LRCH2: variants seen among roughly 807,000 people sequenced by gnomAD.
LRCH2 encodes leucine rich repeats and calponin homology domain containing 2.
In LRCH2, 38 loss-of-function variants were observed where a neutral mutation model predicts 68.9. The ratio of observed to expected loss-of-function variants is 0.55; its 90% confidence interval spans 0.43 to 0.72. LRCH2 has a LOEUF of 0.72. Ranked by LOEUF, LRCH2 falls within the 30% of genes least tolerant of loss-of-function variation. LRCH2 has a pLI of 0.00. For synonymous variants in LRCH2, 191 were observed against 208.1 expected, an observed-to-expected ratio of 0.92 and a Z score of 0.71; for missense variants, 528 against 572.9, an observed-to-expected ratio of 0.92 and a Z score of 0.80.
In LRCH2 at chrX:115,122,762, C is replaced by G. The variant is rs2072154330; in HGVS notation, c.2098G>C (p.Val700Leu). ...VASIHVPSPA[V>L]PKLSMAKCRR... The stretch of plus-strand genomic sequence containing the variant: ...AACAAATTGTAAACAAAACTTACCA[C>G]TGCTGGTGATGGTACATGAATACTA... Residue 700 changes from valine (V) to leucine (L), a missense_variant and splice_region_variant, in exon 19 of 21, where the codon GTG becomes CTG. By Grantham distance (32) the Val-to-Leu change is conservative. Transcript: ENST00000317135. 8.3e-7 allele frequency: 1 copy of G among 1,208,018 alleles called. No individual in the cohort carries two copies. The highest frequency in any genetic ancestry group is 1.8e-5 in the South Asian group (1 of 56,148).
intron 1 of LRCH2, chrX:115,198,792 C>A: frequency 8.6e-6 from 1 of 115,891 alleles, no homozygotes; most frequent in Non-Finnish European, 1.9e-5. Flanking sequence ...AACAGCTTCA[C>A]AGAAAAAATA....
intron 1 of LRCH2, among the ~76,000 whole-genome samples, chrX:115,228,463 C>T (rs1449469132): frequency 1.8e-5 from 2 of 111,309 alleles, no homozygotes; most frequent in Non-Finnish European, 3.8e-5. Context: ...GAGTGGGCTG[C>T]TAGGCTGGGC....
In LRCH2 at chrX:115,176,737, T is replaced by C. The variant is rs1357648329; in HGVS notation, c.864+2690A>G. On this transcript the variant is annotated intron_variant, in intron 5 of 20. Coordinates refer to ENST00000317135, the MANE Select transcript of LRCH2 (RefSeq NM_020871.4). ...TTCTTGGCTGGCTGTTCATTTTCTT[T>C]TTTCTTTTTTTTTCTTTTTTTTTTT... Among the ~76,000 whole-genome samples the C allele has an allele frequency of 3.7e-5, 4 of 107,830 alleles. No homozygotes were observed. The Admixed American group carries it at 4.0e-4, about 11-fold the overall frequency. The allele number at this position is 107,830 out of a possible 115,157, so 93.6% of individuals were successfully genotyped here. A position where few individuals can be genotyped will look rare whatever the true frequency, so the allele number is the denominator to read the frequency against.
intron 14 of LRCH2, among the ~76,000 whole-genome samples, chrX:115,148,780 T>C (rs1253108394): frequency 2.7e-5 from 3 of 111,685 alleles, no homozygotes; most frequent in African/African-American, 9.7e-5. Flanking sequence ...ATCTCTTATA[T>C]TGACCAGGAA....
Position 115,113,341 on chromosome X carries a change from G to GAA in LRCH2, c.2179-8_2179-7dup. ...TGAGGCAAACAAAGTCTTTCCTGGA[G>GAA]AAAAAAAAGAGATATTTGAACATTC... On this transcript the variant is annotated splice_region_variant and splice_polypyrimidine_tract_variant and intron_variant, in intron 20 of 20. Transcript: ENST00000317135. 1 of 1,152,759 alleles carries GAA rather than the reference G, an allele frequency of 8.7e-7. No individual in the cohort carries two copies. The highest frequency in any genetic ancestry group is 1.2e-6 in the Non-Finnish European group (1 of 863,023).
chrX:115,190,580 G>A (rs1666139329), intron 1 of LRCH2: 1 of 740,431 alleles, frequency 1.4e-6, no homozygotes, highest in South Asian at 3.5e-5. Flanking sequence ...TACAGCCGGA[G>A]TGACCGCTAC....
intron 20 of LRCH2, among the ~76,000 whole-genome samples, chrX:115,121,607 G>T (rs1469020376): frequency 1.8e-5 from 2 of 112,382 alleles, no homozygotes; most frequent in African/African-American, 6.5e-5. Context: ...ACGAGATCGT[G>T]CCACTGCACT....
chrX:115,113,105 C>T lies in LRCH2; in HGVS notation c.*111G>A, dbSNP rs922791613. Reference sequence around the variant, plus strand: ...ATGTAATTTTTTTAAAATCCTAAGGCGTGACCTAAGGCAAACTATTTTTGA... The same window carrying T: ...ATGTAATTTTTTTAAAATCCTAAGGTGTGACCTAAGGCAAACTATTTTTGA... On this transcript the variant is annotated 3_prime_UTR_variant, in exon 21 of 21. Coordinates refer to ENST00000317135, the MANE Select transcript of LRCH2 (RefSeq NM_020871.4). 6 of 696,601 alleles carry T rather than the reference C, an allele frequency of 8.6e-6. No individual in the cohort carries two copies. Among genetic ancestry groups the T allele is most frequent in the South Asian group, 5.7e-5 (1 of 17,623 alleles). 57.4% of individuals were successfully genotyped at this position (696,601 alleles called of 1,213,427 possible).
intron 8 of LRCH2, 35 bp from the exon 9 acceptor site, chrX:115,165,690 A>G (rs1556544473): frequency 1.2e-5 from 12 of 1,007,176 alleles, no homozygotes; most frequent in Non-Finnish European, 1.4e-6. Context: ...GAAAATGTAC[A>G]TAGTAAACTG....
intron 14 of LRCH2, among the ~76,000 whole-genome samples, chrX:115,134,591 C>T (rs2072272539): frequency 8.9e-6 from 1 of 111,870 alleles, no homozygotes; most frequent in African/African-American, 3.3e-5. Context: ...TATAAATAGA[C>T]CTGCAAAGCC....
chrX:115,175,952 G>A (rs2072643395), intron 5 of LRCH2, among the ~76,000 whole-genome samples: 2 of 111,956 alleles, frequency 1.8e-5, no homozygotes, highest in Non-Finnish European at 3.8e-5. Context: ...CAGAAGTATA[G>A]GTGAGCAGTC....
intron 1 of LRCH2, among the ~76,000 whole-genome samples, chrX:115,211,102 T>C (rs189076893): frequency 7.6e-4 from 85 of 111,831 alleles, no homozygotes; most frequent in African/African-American, 2.5e-3. Context: ...AGTTAAGACT[T>C]TGTGTGACTG....
intron 14 of LRCH2, among the ~76,000 whole-genome samples, chrX:115,140,412 C>T (rs1170551628): frequency 4.5e-5 from 5 of 110,282 alleles, no homozygotes; most frequent in Non-Finnish European, 3.8e-5. Context: ...TGCTGGCGTC[C>T]GGTAAGACTT....
intron 3 of LRCH2, among the ~76,000 whole-genome samples, chrX:115,180,708 G>A (rs923928763): frequency 1.8e-5 from 2 of 111,563 alleles, no homozygotes; most frequent in African/African-American, 6.5e-5. Context: ...AAACCATGTA[G>A]GGAAGAATAT....
At position 115,212,729 on chromosome X, in the gene LRCH2, G is replaced by A. The variant is rs370009274; in HGVS notation, c.349+20964C>T. ...CTCATATCTACAATCCCAACACTTTGGGAGGCCGAGGAGGGTGGATTGCTT... is the reference window on the plus strand; with the variant it reads ...CTCATATCTACAATCCCAACACTTTAGGAGGCCGAGGAGGGTGGATTGCTT... On this transcript the variant is annotated intron_variant, in intron 1 of 20. Coordinates refer to ENST00000317135, the MANE Select transcript of LRCH2 (RefSeq NM_020871.4). Among the ~76,000 whole-genome samples, 5 of 109,504 alleles carry A rather than the reference G, an allele frequency of 4.6e-5. No homozygotes were observed. The South Asian group carries it at 1.2e-3, about 27-fold the overall frequency.
intron 15 of LRCH2, among the ~76,000 whole-genome samples, chrX:115,129,527 A>T (rs1257509985): frequency 9.0e-6 from 1 of 111,408 alleles, no homozygotes; most frequent in Non-Finnish European, 1.9e-5. Context: ...GCAGACGACC[A>T]ATCATCTGGC....
intron 3 of LRCH2, among the ~76,000 whole-genome samples, chrX:115,183,670 G>C (rs1427010427): frequency 1.8e-5 from 2 of 110,894 alleles, no homozygotes; most frequent in African/African-American, 6.6e-5. Context: ...CACCAGTCTG[G>C]GCAACAGAGC....
At chrX:115,170,513 A>C in intron 5 of LRCH2, 81 bp from the exon 6 acceptor site, 6 of 833,588 alleles carry the variant, frequency 7.2e-6, no homozygotes, top group Non-Finnish European at 9.4e-6. Flanking sequence ...CAATAGTCTC[A>C]AATTACATTG....
intron 3 of LRCH2, among the ~76,000 whole-genome samples, chrX:115,183,545 A>G (rs1454697913): frequency 1.8e-5 from 2 of 110,644 alleles, no homozygotes; most frequent in Non-Finnish European, 3.8e-5. Flanking sequence ...AAATGCAAAA[A>G]TAAGTTGGGT....
Sources: gnomAD v4.1 joint callset for allele counts (sites outside exome capture counted in the v4.1 genomes callset) on GRCh38, gnomAD v4.1.1 for gene constraint, MANE v1.5 for transcripts, NCBI Gene and HGNC (gene_info 2026-07-23, HGNC 2026-07-21) for gene names.